The following GOLM2 variants were observed in gnomAD, a reference collection of about 807,000 sequenced individuals.
GOLM2 encodes the protein protein GOLM2.
Under a neutral mutation model 55.9 loss-of-function variants are expected in GOLM2, and 26 were observed. That is an observed-to-expected ratio of 0.47 (90% CI 0.34 to 0.65). GOLM2 has a LOEUF of 0.65. Ranked by LOEUF, GOLM2 falls within the 30% of genes least tolerant of loss-of-function variation. The probability of loss-of-function intolerance (pLI) is 0.01; values close to 1 mark genes in which losing one functional copy is unlikely to be tolerated. For missense variants in GOLM2, 486 were observed against 531.8 expected (o/e 0.91, Z 0.85); for synonymous variants, 165 against 194.6 (o/e 0.85, Z 1.27).
chr15:44,406,735 T>C (rs1408109161), intron 9 of GOLM2: 4 of 152,174 alleles, frequency 2.6e-5, no homozygotes, highest in African/African-American at 4.8e-5. Context: ...GCTCAATCAA[T>C]AGGGGCTCTT....
At chr15:44,364,049 G>C (rs944270336) in intron 6 of GOLM2, among the ~76,000 whole-genome samples, 2 of 151,598 alleles carry the variant, frequency 1.3e-5, no homozygotes, top group Non-Finnish European at 2.9e-5. Context: ...GTTGTGGGGT[G>C]GGGGGAGCGG....
At chr15:44,364,250 A>G (rs1262246796) in intron 6 of GOLM2, among the ~76,000 whole-genome samples, 1 of 152,170 alleles carries the variant, frequency 6.6e-6, no homozygotes, top group African/African-American at 2.4e-5. Context: ...CAAGCTCGGT[A>G]TGGTGGCTCA....
At chr15:44,303,987 T>G (rs1868970988) in intron 1 of GOLM2, among the ~76,000 whole-genome samples, 1 of 151,122 alleles carries the variant, frequency 6.6e-6, no homozygotes, top group Admixed American at 6.6e-5. Context: ...GACTCGGCCT[T>G]CCAAAGTGCT....
chr15:44,396,329 GCC>G, intron 8 of GOLM2, among the ~76,000 whole-genome samples: 1 of 152,044 alleles, frequency 6.6e-6, no homozygotes, highest in Non-Finnish European at 1.5e-5. Flanking sequence ...CTGCACTCCA[GCC>G]TGGGCAACAG....
intron 6 of GOLM2, among the ~76,000 whole-genome samples, chr15:44,346,765 T>C (rs925242793): frequency 1.3e-5 from 2 of 152,222 alleles, no homozygotes; most frequent in Non-Finnish European, 2.9e-5. Flanking sequence ...TTTCATTATA[T>C]AATCTTCTGA....
chr15:44,297,539 A>G (rs1308195833), intron 1 of GOLM2, among the ~76,000 whole-genome samples: 2 of 147,402 alleles, frequency 1.4e-5, no homozygotes, highest in Non-Finnish European at 3.0e-5. Flanking sequence ...TTTTCTGTAT[A>G]TTTATTATAC....
chr15:44,358,222 C>T (rs182991770), intron 6 of GOLM2, among the ~76,000 whole-genome samples: 13 of 152,174 alleles, frequency 8.5e-5, no homozygotes, highest in Admixed American at 3.3e-4. Context: ...GGTGTGGTGG[C>T]GCACATCCGT....
In GOLM2 at chr15:44,402,963, T is replaced by C; in HGVS notation, c.1149T>C (p.Asp383=). The change falls in exon 9 of 10, where the codon GAT becomes GAC. Residue 383 remains aspartate (D), a synonymous_variant. Transcript: ENST00000299957. ...GSKLADYNGD[D]GNVGEYEADK... ...AACTGGCGGATTATAATGGGGATGA[T>C]GGTAACGTAGGTGAGTATGAGGCAG... 1 of 1,614,036 alleles carries C rather than the reference T, an allele frequency of 6.2e-7. No individual in the cohort carries two copies. Among genetic ancestry groups the C allele is most frequent in the South Asian group, 1.1e-5 (1 of 91,074 alleles).
At chr15:44,293,679 A>G (rs1340790603) in intron 1 of GOLM2, among the ~76,000 whole-genome samples, 1 of 152,186 alleles carries the variant, frequency 6.6e-6, no homozygotes, top group Admixed American at 6.5e-5. Flanking sequence ...ACACATCATA[A>G]CATGGGTATG....
chr15:44,384,057 T>G (rs567369452), intron 8 of GOLM2, among the ~76,000 whole-genome samples: 1 of 152,316 alleles, frequency 6.6e-6, no homozygotes, highest in South Asian at 2.1e-4. Context: ...TAAGACTTTC[T>G]TATGCTTTAT....
chr15:44,310,502 C>CCACA (rs34821071), intron 1 of GOLM2, among the ~76,000 whole-genome samples: 6,030 of 124,638 alleles, frequency 0.048, 481 homozygotes, highest in African/African-American at 0.17. Context: ...ACACACACAC[C>CCACA]CACACACACA....
intron 4 of GOLM2, among the ~76,000 whole-genome samples, chr15:44,335,922 C>A (rs572191394): frequency 1.3e-5 from 2 of 149,958 alleles, no homozygotes; most frequent in Non-Finnish European, 3.0e-5. Flanking sequence ...TCAAGCGATT[C>A]TCCTGCCTCA....
intron 2 of GOLM2, among the ~76,000 whole-genome samples, chr15:44,325,150 T>C (rs1020194066): frequency 6.6e-6 from 1 of 152,172 alleles, no homozygotes; most frequent in Non-Finnish European, 1.5e-5. Context: ...CTAGTATCCA[T>C]CAGTTATTTT....
Position 44,399,636 on chromosome 15 carries a change from A to G in GOLM2, c.1073-3251A>G, listed in dbSNP as rs879307103. 9.2e-5 allele frequency among the ~76,000 whole-genome samples: 14 copies of G among 152,308 alleles called. No individual in the cohort carries two copies. The South Asian group carries it at 1.4e-3, about 16-fold the overall frequency. ...CCATGTCTGACAATATTAGTAAATG[A>G]TATATATTTTTTAGTACCTTGTCTT... On this transcript the variant is annotated intron_variant, in intron 8 of 9. Transcript: ENST00000299957.
At chr15:44,347,538 C>T (rs1567031774) in intron 6 of GOLM2, among the ~76,000 whole-genome samples, 2 of 152,308 alleles carry the variant, frequency 1.3e-5, no homozygotes, top group East Asian at 3.9e-4. Context: ...AATTTTCTCT[C>T]CCAGCAGGCA....
intron 6 of GOLM2, among the ~76,000 whole-genome samples, chr15:44,362,848 G>C: frequency 6.6e-6 from 1 of 152,010 alleles, no homozygotes; most frequent in Middle Eastern, 3.2e-3. Context: ...AACAGAGATA[G>C]AGATCAATGG....
intron 4 of GOLM2, among the ~76,000 whole-genome samples, chr15:44,332,577 A>T (rs931773138): frequency 6.6e-6 from 1 of 152,050 alleles, no homozygotes; most frequent in African/African-American, 2.4e-5. Context: ...AAAAAAATTT[A>T]AATTAATTTT....
intron 6 of GOLM2, among the ~76,000 whole-genome samples, chr15:44,342,204 T>C (rs1020025745): frequency 1.3e-5 from 2 of 152,106 alleles, no homozygotes; most frequent in African/African-American, 4.8e-5. Flanking sequence ...AGACATTTTC[T>C]ACATTGTCAT....
At chr15:44,345,433 T>A (rs1301758979) in intron 6 of GOLM2, among the ~76,000 whole-genome samples, 1 of 152,128 alleles carries the variant, frequency 6.6e-6, no homozygotes, top group Non-Finnish European at 1.5e-5. Flanking sequence ...TAATTTTTTG[T>A]ATTTTAGTAG....
Sources: allele counts gnomAD v4.1 joint callset (sites outside exome capture counted in the v4.1 genomes callset), GRCh38; gene constraint gnomAD v4.1.1; transcripts MANE v1.5; gene names NCBI Gene and HGNC (gene_info 2026-07-23, HGNC 2026-07-21).